Variants in AFG2A observed in about 807,000 individuals in gnomAD.
AFG2A encodes AAA ATPase AFG2A.
chr4:123,026,029 C>T, the AFG2A span, among the ~76,000 whole-genome samples: 5 of 151,968 alleles, frequency 3.3e-5, no homozygotes, highest in Non-Finnish European at 5.9e-5. Context: ...AATCCTTTCA[C>T]GTTTTTCCCA....
At chr4:123,052,875 C>A in the AFG2A span, among the ~76,000 whole-genome samples, 937 of 152,282 alleles carry the variant, frequency 6.2e-3, 11 homozygotes, top group African/African-American at 0.021. Flanking sequence ...GTGTAGCCTT[C>A]AGTCTGTGGC....
the AFG2A span, among the ~76,000 whole-genome samples, chr4:123,213,889 G>T: frequency 6.6e-6 from 1 of 152,090 alleles, no homozygotes; most frequent in Admixed American, 6.6e-5. Flanking sequence ...TTGCTTAATT[G>T]ACATTAAACT....
At chr4:123,210,187 A>G in the AFG2A span, among the ~76,000 whole-genome samples, 4 of 152,228 alleles carry the variant, frequency 2.6e-5, no homozygotes, top group African/African-American at 9.7e-5. Flanking sequence ...GCTACCTAAT[A>G]TATGTTTTAC....
the AFG2A span, among the ~76,000 whole-genome samples, chr4:123,288,321 G>T: frequency 6.6e-6 from 1 of 152,126 alleles, no homozygotes; most frequent in Admixed American, 6.5e-5. Context: ...ATTACAACGT[G>T]TTTTTATGGT....
chr4:122,999,300 T>A, the AFG2A span, among the ~76,000 whole-genome samples: 13 of 152,236 alleles, frequency 8.5e-5, no homozygotes, highest in East Asian at 2.1e-3. Context: ...TGTGCAGAAG[T>A]TCTTTGGTTT....
the AFG2A span, among the ~76,000 whole-genome samples, chr4:123,074,058 G>C: frequency 6.9e-6 from 1 of 144,104 alleles, no homozygotes; most frequent in Non-Finnish European, 1.5e-5. Flanking sequence ...TGATCTCTTT[G>C]ATTTCTTTCA....
chr4:123,301,110 A>G, the AFG2A span, among the ~76,000 whole-genome samples: 1 of 152,168 alleles, frequency 6.6e-6, no homozygotes, highest in African/African-American at 2.4e-5. Flanking sequence ...GATCCTTTTT[A>G]GACTATAATG....
the AFG2A span, among the ~76,000 whole-genome samples, chr4:123,019,383 A>G: frequency 6.6e-6 from 1 of 152,138 alleles, no homozygotes; most frequent in Non-Finnish European, 1.5e-5. Flanking sequence ...GAATATGTTA[A>G]ACCATACATA....
At chr4:122,979,822 G>A in the AFG2A span, among the ~76,000 whole-genome samples, 1 of 152,090 alleles carries the variant, frequency 6.6e-6, no homozygotes, top group Non-Finnish European at 1.5e-5. Context: ...CTGAGCCCTG[G>A]GGAATGTTGA....
chr4:123,118,353 T>TATATTA, the AFG2A span, among the ~76,000 whole-genome samples: 2 of 129,828 alleles, frequency 1.5e-5, no homozygotes, highest in African/African-American at 6.3e-5. Context: ...ATTATATATA[T>TATATTA]TATATATATA....
At chr4:123,114,539 C>A in the AFG2A span, among the ~76,000 whole-genome samples, 12 of 152,164 alleles carry the variant, frequency 7.9e-5, no homozygotes, top group Non-Finnish European at 1.5e-5. Flanking sequence ...GCAGCACACA[C>A]CTGGCTGGGC....
chr4:123,138,309 C>T, the AFG2A span, among the ~76,000 whole-genome samples: 1 of 152,112 alleles, frequency 6.6e-6, no homozygotes, highest in East Asian at 1.9e-4. Context: ...GGGGTCTGCA[C>T]ATTTGACCAC....
At chr4:123,275,916 A>G in the AFG2A span, among the ~76,000 whole-genome samples, 1 of 152,170 alleles carries the variant, frequency 6.6e-6, no homozygotes, top group Non-Finnish European at 1.5e-5. Context: ...GATTGACTCC[A>G]TGTCTTTGCT....
chr4:123,020,571 G>A, the AFG2A span, among the ~76,000 whole-genome samples: 2,960 of 152,034 alleles, frequency 0.019, 48 homozygotes, highest in Middle Eastern at 0.037. Context: ...GTTTCACCAC[G>A]TTGGCCAGGC....
At chr4:123,293,521 G>A in the AFG2A span, among the ~76,000 whole-genome samples, 2 of 152,150 alleles carry the variant, frequency 1.3e-5, no homozygotes, top group African/African-American at 2.4e-5. Context: ...GCCACCCTGT[G>A]GGGGCTGCCA....
At chr4:123,194,107 A>G in the AFG2A span, among the ~76,000 whole-genome samples, 1 of 152,332 alleles carries the variant, frequency 6.6e-6, no homozygotes, top group East Asian at 1.9e-4. Flanking sequence ...TTATTGAATT[A>G]TAAGTGTTTA....
At chr4:123,001,342 C>A in the AFG2A span, among the ~76,000 whole-genome samples, 1 of 152,252 alleles carries the variant, frequency 6.6e-6, no homozygotes, top group East Asian at 1.9e-4. Context: ...TTGCCTTCTG[C>A]TAGCTTTTGA....
chr4:123,114,206 G>A, the AFG2A span, among the ~76,000 whole-genome samples: 12 of 152,098 alleles, frequency 7.9e-5, no homozygotes, highest in African/African-American at 2.4e-4. Context: ...AGTGCATGCC[G>A]ATTGGTCCAT....
chr4:123,090,427 A>G, the AFG2A span: 5 of 773,768 alleles, frequency 6.5e-6, no homozygotes, highest in Non-Finnish European at 9.6e-6. Flanking sequence ...TTGAGATATG[A>G]TAATGCAGTA....
Sources: allele counts gnomAD v4.1 joint callset (sites outside exome capture counted in the v4.1 genomes callset), GRCh38; gene constraint gnomAD v4.1.1; transcripts MANE v1.5; gene names NCBI Gene and HGNC (gene_info 2026-07-23, HGNC 2026-07-21).